The following ADCY2 variants were observed in gnomAD, a reference collection of about 807,000 sequenced individuals.
ADCY2 encodes the protein adenylate cyclase type 2.
Under a neutral mutation model 125.2 loss-of-function variants are expected in ADCY2, and 31 were observed. The ratio of observed to expected loss-of-function variants is 0.25; its 90% CI spans 0.19 to 0.33. ADCY2 has a LOEUF of 0.33. ADCY2 is among the 10% of genes least tolerant of loss of function. The pLI, the probability that ADCY2 is intolerant of heterozygous loss-of-function variation, is 1.00. For synonymous variants in ADCY2, 512 were observed against 548.4 expected (o/e 0.93, Z 0.93); for missense variants, 904 against 1,418.2 (o/e 0.64, Z 5.82).
chr5:7,616,099 CGTTTA>C (rs1348931256), intron 3 of ADCY2, among the ~76,000 whole-genome samples: 1 of 152,084 alleles, frequency 6.6e-6, no homozygotes, highest in East Asian at 1.9e-4. Context: ...CTGGGAATTT[CGTTTA>C]GTCTAGTAAC....
At chr5:7,458,677 T>C (rs544628364) in intron 2 of ADCY2, among the ~76,000 whole-genome samples, 1 of 152,286 alleles carries the variant, frequency 6.6e-6, no homozygotes, top group African/African-American at 2.4e-5. Context: ...GGGAGTTTGA[T>C]ACCATACAAC....
At chr5:7,448,000 A>C (rs1741334834) in intron 2 of ADCY2, among the ~76,000 whole-genome samples, 1 of 152,170 alleles carries the variant, frequency 6.6e-6, no homozygotes, top group African/African-American at 2.4e-5. Flanking sequence ...CGGTGACCAG[A>C]GGGTGTCCCT....
At chr5:7,803,092 T>C (rs778013508) in intron 21 of ADCY2, among the ~76,000 whole-genome samples, 1 of 152,150 alleles carries the variant, frequency 6.6e-6, no homozygotes, top group Non-Finnish European at 1.5e-5. Context: ...CCTAAATGTC[T>C]TGTGGGCCCT....
At chr5:7,532,129 TC>T (rs1431798300) in intron 3 of ADCY2, among the ~76,000 whole-genome samples, 7 of 152,226 alleles carry the variant, frequency 4.6e-5, no homozygotes, top group Admixed American at 4.6e-4. Context: ...TATGGGAATT[TC>T]ACCCTTGTTG....
chr5:7,671,037 G>T (rs1030247481), intron 4 of ADCY2, among the ~76,000 whole-genome samples: 2 of 152,160 alleles, frequency 1.3e-5, no homozygotes, highest in African/African-American at 4.8e-5. Context: ...TCTTTAATGT[G>T]ATTTTAATTA....
intron 3 of ADCY2, among the ~76,000 whole-genome samples, chr5:7,537,305 T>C (rs1436335962): frequency 6.6e-6 from 1 of 152,232 alleles, no homozygotes; most frequent in African/African-American, 2.4e-5. Context: ...TTTCAATACA[T>C]GTTTGTCTTA....
intron 2 of ADCY2, among the ~76,000 whole-genome samples, chr5:7,511,114 G>GT (rs1283911685): frequency 1.3e-5 from 2 of 152,140 alleles, no homozygotes; most frequent in Non-Finnish European, 2.9e-5. Flanking sequence ...CTTCATTGAG[G>GT]TTTTTTAGGT....
intron 17 of ADCY2, among the ~76,000 whole-genome samples, chr5:7,767,581 C>G (rs536325325): frequency 2.4e-4 from 37 of 152,272 alleles, no homozygotes; most frequent in African/African-American, 8.7e-4. Flanking sequence ...TTCAAAATTC[C>G]TTACCAAAAA....
intron 19 of ADCY2, among the ~76,000 whole-genome samples, chr5:7,785,679 G>A (rs958874046): frequency 4.6e-5 from 7 of 152,066 alleles, no homozygotes; most frequent in African/African-American, 1.4e-4. Context: ...AGAGAATTGC[G>A]CTTCCTTGAA....
chr5:7,792,486 G>A lies in ADCY2; in HGVS notation c.2628+2686G>A, dbSNP rs181173271. Among the ~76,000 whole-genome samples, 20 of 152,262 alleles carry A rather than the reference G, an allele frequency of 1.3e-4. No homozygotes were observed. The East Asian group carries it at 2.7e-3, about 21-fold the overall frequency. On this transcript the variant is annotated intron_variant, in intron 20 of 24. Coordinates refer to ENST00000338316, the MANE Select transcript of ADCY2 (RefSeq NM_020546.3). ...GGCTCAGAGGAAAGCTCTGGAGCTC[G>A]AGAAGCTCTGTGAAGGTCTGTGGGG... is the stretch of plus-strand genomic sequence containing the variant.
intron 3 of ADCY2, among the ~76,000 whole-genome samples, chr5:7,535,158 A>G (rs1052550081): frequency 6.6e-6 from 1 of 152,264 alleles, no homozygotes; most frequent in African/African-American, 2.4e-5. Context: ...CTCCTGCCTC[A>G]GCCTCCTGAG....
In ADCY2 at chr5:7,730,152, G is replaced by A. The variant is rs113891164; in HGVS notation, c.1871+2891G>A. On this transcript the variant is annotated intron_variant, in intron 14 of 24. Coordinates refer to ENST00000338316, the MANE Select transcript of ADCY2 (RefSeq NM_020546.3). ...ATACAGTATTTGGTTTTCCATTCCT[G>A]AGTTATTTCACTTAGAATAATGGCT... Among the ~76,000 whole-genome samples, 630 of 152,224 alleles carry A rather than the reference G, an allele frequency of 4.1e-3. 9 individuals carry two copies. The highest frequency in any genetic ancestry group is 0.014 in the African/African-American group (589 of 41,538).
chr5:7,675,465 G>C (rs964276312), intron 4 of ADCY2, among the ~76,000 whole-genome samples: 3 of 152,180 alleles, frequency 2.0e-5, no homozygotes, highest in Non-Finnish European at 2.9e-5. Context: ...GAATAATTAA[G>C]TGACAAGGGG....
intron 2 of ADCY2, among the ~76,000 whole-genome samples, chr5:7,477,720 T>C (rs1360555887): frequency 2.0e-5 from 3 of 152,192 alleles, no homozygotes; most frequent in Admixed American, 6.5e-5. Context: ...TGTAAAATAT[T>C]GTTTGAGGCC....
intron 4 of ADCY2, among the ~76,000 whole-genome samples, chr5:7,639,906 T>C (rs1355532688): frequency 6.6e-6 from 1 of 152,184 alleles, no homozygotes; most frequent in African/African-American, 2.4e-5. Flanking sequence ...GCCTTATTGT[T>C]ATAGAAGTGA....
At chr5:7,462,828 A>C (rs1312704006) in intron 2 of ADCY2, among the ~76,000 whole-genome samples, 1 of 152,186 alleles carries the variant, frequency 6.6e-6, no homozygotes, top group Admixed American at 6.5e-5. Context: ...ACATTAAATA[A>C]ATTGATTGCT....
chr5:7,651,060 A>G (rs1328521821), intron 4 of ADCY2, among the ~76,000 whole-genome samples: 1 of 152,182 alleles, frequency 6.6e-6, no homozygotes, highest in Non-Finnish European at 1.5e-5. Flanking sequence ...AGCTGCCTGC[A>G]TGATCAGTGG....
chr5:7,582,558 G>T (rs543697045), intron 3 of ADCY2, among the ~76,000 whole-genome samples: 1 of 151,932 alleles, frequency 6.6e-6, no homozygotes, highest in Non-Finnish European at 1.5e-5. Flanking sequence ...TATATACAAA[G>T]AATAATATAT....
intron 2 of ADCY2, among the ~76,000 whole-genome samples, chr5:7,495,751 C>T (rs528019878): frequency 6.6e-6 from 1 of 152,246 alleles, no homozygotes; most frequent in African/African-American, 2.4e-5. Flanking sequence ...TAAATCTGAA[C>T]ATTTTGACAT....
Sources: allele counts gnomAD v4.1 joint callset (sites outside exome capture counted in the v4.1 genomes callset), GRCh38; gene constraint gnomAD v4.1.1; transcripts MANE v1.5; gene names NCBI Gene and HGNC (gene_info 2026-07-23, HGNC 2026-07-21).